The following PAX5 variants were observed in gnomAD, a reference collection of about 807,000 sequenced individuals.
PAX5 encodes paired box 5.
A neutral mutation model predicts 43.7 loss-of-function variants in PAX5; 9 were observed. That is an observed-to-expected ratio of 0.21 (90% CI 0.12 to 0.36). The LOEUF is 0.36. Among genes scored for constraint, PAX5 ranks in the 10% least tolerant of loss-of-function variants. The pLI, the probability that PAX5 is intolerant of heterozygous loss-of-function variation, is 1.00. For synonymous variants in PAX5, 228 were observed against 214.3 expected, an observed-to-expected ratio of 1.06 and a Z score of -0.56; for missense variants, 383 against 532.7, an observed-to-expected ratio of 0.72 and a Z score of 2.77.
At chr9:36,959,695 A>G (rs1402056531) in intron 6 of PAX5, among the ~76,000 whole-genome samples, 1 of 152,232 alleles carries the variant, frequency 6.6e-6, no homozygotes, top group Non-Finnish European at 1.5e-5. Flanking sequence ...ACTCATGCTC[A>G]GCTGCTTGCA....
At chr9:37,017,501 A>T (rs1476456109) in intron 2 of PAX5, among the ~76,000 whole-genome samples, 1 of 152,208 alleles carries the variant, frequency 6.6e-6, no homozygotes, top group Non-Finnish European at 1.5e-5. Flanking sequence ...TTTCACATGC[A>T]TTTTTCATTC....
At chr9:36,942,586 GAGTCGTGCTC>G (rs1432786409) in intron 6 of PAX5, among the ~76,000 whole-genome samples, 1 of 152,234 alleles carries the variant, frequency 6.6e-6, no homozygotes, top group African/African-American at 2.4e-5. Flanking sequence ...TCTGTTGTAA[GAGTCGTGCTC>G]AGCTGCTGAC....
intron 5 of PAX5, among the ~76,000 whole-genome samples, chr9:37,002,075 C>T (rs1227044875): frequency 1.3e-5 from 2 of 151,874 alleles, no homozygotes; most frequent in South Asian, 4.1e-4. Context: ...CACCCCCGCA[C>T]TTCTTCCTTC....
intron 3 of PAX5, among the ~76,000 whole-genome samples, chr9:37,012,787 T>G (rs532277750): frequency 6.6e-6 from 1 of 152,328 alleles, no homozygotes; most frequent in South Asian, 2.1e-4. Context: ...ACTCACTGGT[T>G]TGGTGTGTTA....
chr9:36,855,794 C>CG lies in PAX5; in HGVS notation c.1013-8866dup, dbSNP rs993364293. ...CCAGTTGTTCTGCACACCTACTCCA[C>CG]GGGGCCGTTTCCATCTCTCATGCTG... On this transcript the variant is annotated intron_variant, in intron 8 of 9. Coordinates refer to ENST00000358127, the MANE Select transcript of PAX5 (RefSeq NM_016734.3). Among the ~76,000 whole-genome samples the CG allele has an allele frequency of 2.6e-5, 4 of 152,228 alleles. No individual in the cohort carries two copies. The South Asian group carries it at 8.3e-4, about 32-fold the overall frequency.
At chr9:37,025,518 C>T (rs537662246) in intron 1 of PAX5, among the ~76,000 whole-genome samples, 14 of 152,314 alleles carry the variant, frequency 9.2e-5, no homozygotes, top group African/African-American at 3.1e-4. Flanking sequence ...GAGCGGCACC[C>T]GAGCCGAGGC....
chr9:36,878,437 G>T (rs146148292), intron 8 of PAX5, among the ~76,000 whole-genome samples: 238 of 152,310 alleles, frequency 1.6e-3, no homozygotes, highest in African/African-American at 4.7e-3. Context: ...TCCCCCAGAG[G>T]GGGGGCCATC....
At position 36,838,632 on chromosome 9, in the gene PAX5, G is replaced by C. The variant is rs974984885; in HGVS notation, c.*1928C>G. On this transcript the variant is annotated 3_prime_UTR_variant, in exon 10 of 10. Coordinates refer to ENST00000358127, the MANE Select transcript of PAX5 (RefSeq NM_016734.3). ...CTTTTTCCAGGCTCTTCTGATTCCC[G>C]CCCCTCCGAGTGTTCTTGTTTCCCA... 3 of 232,880 alleles carry C rather than the reference G, an allele frequency of 1.3e-5. No homozygotes were observed. The highest frequency in any genetic ancestry group is 4.4e-5 in the African/African-American group (2 of 45,292). 14.4% of individuals were successfully genotyped at this position (232,880 alleles called of 1,614,324 possible).
chr9:36,943,291 C>T (rs1832214394), intron 6 of PAX5, among the ~76,000 whole-genome samples: 1 of 152,174 alleles, frequency 6.6e-6, no homozygotes, highest in Non-Finnish European at 1.5e-5. Context: ...CAAGTCTCCT[C>T]AGTGCCTACC....
chr9:36,854,369 T>A (rs1262302954), intron 8 of PAX5, among the ~76,000 whole-genome samples: 1 of 152,250 alleles, frequency 6.6e-6, no homozygotes, highest in Admixed American at 6.5e-5. Context: ...TATCTGTGTA[T>A]GTATACGTAA....
chr9:36,996,151 C>G (rs1837377858), intron 5 of PAX5, among the ~76,000 whole-genome samples: 1 of 152,238 alleles, frequency 6.6e-6, no homozygotes, highest in African/African-American at 2.4e-5. Context: ...GTTCCAGCTG[C>G]CAACAGGACC....
chr9:36,929,096 CT>C (rs913755739), intron 6 of PAX5, among the ~76,000 whole-genome samples: 1 of 152,132 alleles, frequency 6.6e-6, no homozygotes, highest in African/African-American at 2.4e-5. Flanking sequence ...AATTTCTGAA[CT>C]TTTTTTCCAA....
At chr9:36,945,712 T>A (rs1832439240) in intron 6 of PAX5, among the ~76,000 whole-genome samples, 1 of 152,210 alleles carries the variant, frequency 6.6e-6, no homozygotes, top group South Asian at 2.1e-4. Context: ...CCGGTCCAAT[T>A]GTTTGGGCCA....
At chr9:37,032,150 G>T (rs548423295) in intron 1 of PAX5, among the ~76,000 whole-genome samples, 39 of 152,284 alleles carry the variant, frequency 2.6e-4, no homozygotes, top group Admixed American at 6.5e-4. Flanking sequence ...TAGGGCTCCC[G>T]TATCTCACCC....
chr9:36,839,631 G>A lies in PAX5; in HGVS notation c.*929C>T. ...GCATGCCTCAGAAAACACCGTTCCA[G>A]GGGCTGAGGGAGTAGGGAGAGCCTC... On this transcript the variant is annotated 3_prime_UTR_variant, in exon 10 of 10. Transcript: ENST00000358127. 4.3e-6 allele frequency: 1 copy of A among 233,382 alleles called. No homozygotes were observed. Among genetic ancestry groups the A allele is most frequent in the Non-Finnish European group, 8.5e-6 (1 of 118,090 alleles). 14.5% of individuals were successfully genotyped at this position (233,382 alleles called of 1,614,324 possible).
At chr9:36,852,798 G>A (rs947238226) in intron 8 of PAX5, among the ~76,000 whole-genome samples, 2 of 152,130 alleles carry the variant, frequency 1.3e-5, no homozygotes, top group African/African-American at 2.4e-5. Flanking sequence ...ATGAACTTTA[G>A]AGATACGTTC....
chr9:36,984,924 G>A (rs2132295368), intron 5 of PAX5, among the ~76,000 whole-genome samples: 1 of 152,326 alleles, frequency 6.6e-6, no homozygotes, highest in Admixed American at 6.5e-5. Flanking sequence ...GCTGGGCTGG[G>A]AGCAGGGACC....
At chr9:36,927,510 T>C (rs1031947663) in intron 6 of PAX5, among the ~76,000 whole-genome samples, 8 of 152,192 alleles carry the variant, frequency 5.3e-5, no homozygotes, top group South Asian at 4.1e-4. Flanking sequence ...AAAGTTAGGT[T>C]TGGATCATCT....
chr9:36,986,023 G>T (rs1836371259), intron 5 of PAX5, among the ~76,000 whole-genome samples: 1 of 151,838 alleles, frequency 6.6e-6, no homozygotes, highest in Admixed American at 6.5e-5. Flanking sequence ...ATCCGAACCG[G>T]CCTCGCCCCT....
Sources: allele counts gnomAD v4.1 joint callset (sites outside exome capture counted in the v4.1 genomes callset), GRCh38; gene constraint gnomAD v4.1.1; transcripts MANE v1.5; gene names NCBI Gene and HGNC (gene_info 2026-07-23, HGNC 2026-07-21).